PLPP4: variants seen among roughly 807,000 people sequenced by gnomAD.
PLPP4 encodes phospholipid phosphatase 4.
In PLPP4, 20 loss-of-function variants were observed where a neutral mutation model predicts 32.2. The observed-to-expected ratio is 0.62, with a 90% CI of 0.44 to 0.90. The LOEUF (loss-of-function observed/expected upper bound fraction) is 0.90. Among genes scored for constraint, PLPP4 ranks in the 40% least tolerant of loss-of-function variants. The pLI is 0.00. For synonymous variants in PLPP4, 127 were observed against 133.0 expected (o/e 0.95, Z 0.31); for missense variants, 257 against 353.1 (o/e 0.73, Z 2.18).
At position 120,503,302 on chromosome 10, in the gene PLPP4, T is replaced by G. The variant is rs534533040; in HGVS notation, c.57-516T>G. ...TTGGCTGGAGAGCTGGGAGGTGGCC[T>G]GATGGCTGAGATCTGAAAAAGCAAA... On this transcript the variant is annotated intron_variant, in intron 1 of 6. Coordinates refer to ENST00000398250, the MANE Select transcript of PLPP4 (RefSeq NM_001030059.3). Among the ~76,000 whole-genome samples, 3 of 152,336 alleles carry G rather than the reference T, an allele frequency of 2.0e-5. No homozygotes were observed. The East Asian group carries it at 5.8e-4, about 29-fold the overall frequency.
chr10:120,530,315 G>A (rs1240723695), intron 5 of PLPP4, among the ~76,000 whole-genome samples: 4 of 152,046 alleles, frequency 2.6e-5, no homozygotes, highest in East Asian at 3.9e-4. Flanking sequence ...GGCAGCCACT[G>A]TTCAGGGTTT....
chr10:120,538,506 C>T lies in PLPP4; in HGVS notation c.445+17411C>T, dbSNP rs191012009. 3.9e-5 allele frequency among the ~76,000 whole-genome samples: 6 copies of T among 152,176 alleles called. No individual in the cohort carries two copies. The East Asian group carries it at 1.2e-3, about 30-fold the overall frequency. ...AGATATAGACATAGAAAAGGCGTTTCACGTTTTTGGAGAATGACATTCTAG... is the reference window on the plus strand; with the variant it reads ...AGATATAGACATAGAAAAGGCGTTTTACGTTTTTGGAGAATGACATTCTAG... On this transcript the variant is annotated intron_variant, in intron 5 of 6. Transcript: ENST00000398250.
At chr10:120,540,587 G>A (rs1412633379) in intron 5 of PLPP4, among the ~76,000 whole-genome samples, 3 of 152,130 alleles carry the variant, frequency 2.0e-5, no homozygotes, top group Admixed American at 2.0e-4. Context: ...CAAGGTACAG[G>A]GCAAAGTGAG....
intron 3 of PLPP4, among the ~76,000 whole-genome samples, chr10:120,516,318 G>C (rs564845672): frequency 1.3e-5 from 2 of 152,240 alleles, no homozygotes; most frequent in South Asian, 4.2e-4. Context: ...TTTAACCCAG[G>C]CTTCCAAACC....
At chr10:120,560,690 G>C (rs1045315465) in intron 5 of PLPP4, among the ~76,000 whole-genome samples, 2 of 152,176 alleles carry the variant, frequency 1.3e-5, no homozygotes, top group Non-Finnish European at 2.9e-5. Context: ...ATGAGGCAGA[G>C]GTTGCAGTGA....
At chr10:120,525,369 G>A (rs1846343588) in intron 5 of PLPP4, among the ~76,000 whole-genome samples, 1 of 152,206 alleles carries the variant, frequency 6.6e-6, no homozygotes. Context: ...CTCTATTACA[G>A]TATAAAAAGG....
rs375170539 is a variant in PLPP4 at position 120,510,291 on chromosome 10, T to C, written c.166-3620T>C. Among the ~76,000 whole-genome samples the C allele has an allele frequency of 9.1e-4, 138 of 152,296 alleles. 2 individuals carry two copies. The South Asian group carries it at 0.025, about 27-fold the overall frequency. On this transcript the variant is annotated intron_variant, in intron 2 of 6. Transcript: ENST00000398250. ...TCCTGCAGCAGTGTTCGGCTGGAAT[T>C]CTTTGTTTTCTCTCAGGTCTCAGTT...
At chr10:120,545,854 A>G (rs545984522) in intron 5 of PLPP4, among the ~76,000 whole-genome samples, 127 of 152,318 alleles carry the variant, frequency 8.3e-4, no homozygotes, top group Admixed American at 5.6e-3. Flanking sequence ...TGGGAGAGGC[A>G]GACCCACCCT....
chr10:120,480,018 GAT>G (rs1343500984), intron 1 of PLPP4, among the ~76,000 whole-genome samples: 1 of 152,232 alleles, frequency 6.6e-6, no homozygotes, highest in Admixed American at 6.5e-5. Context: ...CTTGAAAGGA[GAT>G]AGTCACCTTG....
chr10:120,565,222 T>C (rs945511684), intron 5 of PLPP4, among the ~76,000 whole-genome samples: 4 of 152,190 alleles, frequency 2.6e-5, no homozygotes, highest in Non-Finnish European at 5.9e-5. Flanking sequence ...CCCACAGATA[T>C]GCCAGTATCT....
At chr10:120,571,093 CGTGTGTGTGTGTGTGT>C (rs60011757) in intron 5 of PLPP4, among the ~76,000 whole-genome samples, 4 of 144,574 alleles carry the variant, frequency 2.8e-5, no homozygotes, top group South Asian at 2.3e-4. Flanking sequence ...AGTAAAGGGG[CGTGTGTGTGTGTGTGT>C]GTGTGTGTGT....
chr10:120,520,365 C>T (rs910607246), intron 4 of PLPP4, among the ~76,000 whole-genome samples: 5 of 152,286 alleles, frequency 3.3e-5, no homozygotes, highest in African/African-American at 1.2e-4. Flanking sequence ...TATACGGACA[C>T]GAGGAGCCTG....
At chr10:120,529,009 A>G (rs560650424) in intron 5 of PLPP4, among the ~76,000 whole-genome samples, 1 of 151,994 alleles carries the variant, frequency 6.6e-6, no homozygotes, top group African/African-American at 2.4e-5. Context: ...TTTTCCCTAA[A>G]TAACTGTCAT....
intron 5 of PLPP4, among the ~76,000 whole-genome samples, chr10:120,530,908 GC>G (rs2082381050): frequency 6.6e-6 from 1 of 152,066 alleles, no homozygotes; most frequent in African/African-American, 2.4e-5. Context: ...GACTAATGTT[GC>G]TGTGCACCTT....
chr10:120,486,594 G>T (rs572478865), intron 1 of PLPP4, among the ~76,000 whole-genome samples: 1 of 152,216 alleles, frequency 6.6e-6, no homozygotes, highest in Non-Finnish European at 1.5e-5. Flanking sequence ...GCTGTTACAC[G>T]TTATATTATT....
intron 3 of PLPP4, among the ~76,000 whole-genome samples, chr10:120,515,957 CTT>C (rs1227671402): frequency 1.3e-5 from 2 of 152,298 alleles, no homozygotes; most frequent in East Asian, 1.9e-4. Flanking sequence ...CTTCTCCAGA[CTT>C]TTCATTCTCA....
chr10:120,587,963 G>T (rs1413339327), intron 6 of PLPP4, among the ~76,000 whole-genome samples: 1 of 152,170 alleles, frequency 6.6e-6, no homozygotes, highest in Non-Finnish European at 1.5e-5. Flanking sequence ...CTGAAGGCTG[G>T]GACCTCAGAC....
intron 1 of PLPP4, among the ~76,000 whole-genome samples, chr10:120,477,404 A>G (rs7068563): frequency 0.051 from 7,656 of 151,254 alleles, 261 homozygotes; most frequent in South Asian, 0.11. Context: ...ACTTTGTGAA[A>G]GTTGTGCTCC....
intron 2 of PLPP4, among the ~76,000 whole-genome samples, chr10:120,506,252 T>C (rs547740299): frequency 4.4e-4 from 67 of 152,360 alleles, no homozygotes; most frequent in African/African-American, 1.4e-3. Context: ...GGTCACACGA[T>C]TTAGTACAAT....
Sources: allele counts gnomAD v4.1 joint callset (sites outside exome capture counted in the v4.1 genomes callset), GRCh38; gene constraint gnomAD v4.1.1; transcripts MANE v1.5; gene names NCBI Gene and HGNC (gene_info 2026-07-23, HGNC 2026-07-21).